The following DLGAP2 variants were observed in gnomAD, a reference collection of about 807,000 sequenced individuals.
The protein encoded by DLGAP2 is disks large-associated protein 2.
DLGAP2 carries 26 observed loss-of-function variants against 100.3 expected under a neutral mutation model. The ratio of observed to expected loss-of-function variants is 0.26; its 90% CI spans 0.19 to 0.36. The LOEUF (loss-of-function observed/expected upper bound fraction) is 0.36. DLGAP2 is among the 10% of genes least tolerant of loss of function. The pLI, the probability that DLGAP2 is intolerant of heterozygous loss-of-function variation, is 1.00. For missense variants in DLGAP2, 1,858 were observed against 1,453.2 expected (o/e 1.28, Z -4.53); for synonymous variants, 886 against 630.1 (o/e 1.41, Z -6.08).
intron 4 of DLGAP2, among the ~76,000 whole-genome samples, chr8:1,506,810 A>G (rs1050584385): frequency 6.6e-6 from 1 of 152,196 alleles, no homozygotes; most frequent in African/African-American, 2.4e-5. Flanking sequence ...ACAATCCTCT[A>G]TCTAGACATA....
chr8:1,092,850 CG>C (rs1395953187), intron 2 of DLGAP2, among the ~76,000 whole-genome samples: 2 of 152,102 alleles, frequency 1.3e-5, no homozygotes, highest in Non-Finnish European at 2.9e-5. Context: ...GAGTGTGGAC[CG>C]GGGCCTCATA....
chr8:1,028,879 C>T (rs1223857524), intron 2 of DLGAP2, among the ~76,000 whole-genome samples: 1 of 152,088 alleles, frequency 6.6e-6, no homozygotes, highest in African/African-American at 2.4e-5. Context: ...AGGACAATGG[C>T]GGGATGTGGA....
intron 2 of DLGAP2, among the ~76,000 whole-genome samples, chr8:975,481 A>G (rs532904094): frequency 2.0e-5 from 3 of 152,342 alleles, no homozygotes; most frequent in Non-Finnish European, 4.4e-5. Flanking sequence ...TCATAAACAT[A>G]GATGTGGAGA....
chr8:1,367,095 C>G (rs1338466583), intron 3 of DLGAP2, among the ~76,000 whole-genome samples: 1 of 152,206 alleles, frequency 6.6e-6, no homozygotes, highest in Non-Finnish European at 1.5e-5. Flanking sequence ...GCAACCTTTC[C>G]AACACACATG....
At chr8:819,991 T>A (rs1466368916) in intron 1 of DLGAP2, among the ~76,000 whole-genome samples, 2 of 152,154 alleles carry the variant, frequency 1.3e-5, no homozygotes, top group Non-Finnish European at 2.9e-5. Context: ...TTCAATAAGA[T>A]GTGTTAGAGA....
chr8:1,507,355 A>T (rs1181267266), intron 4 of DLGAP2, among the ~76,000 whole-genome samples: 2 of 152,264 alleles, frequency 1.3e-5, no homozygotes, highest in African/African-American at 4.8e-5. Flanking sequence ...GTGGGCCAGC[A>T]CTGCTGGGGG....
At chr8:1,012,983 C>T (rs1333958100) in intron 2 of DLGAP2, among the ~76,000 whole-genome samples, 1 of 152,202 alleles carries the variant, frequency 6.6e-6, no homozygotes, top group Non-Finnish European at 1.5e-5. Context: ...TTCAGTTTTG[C>T]AGATGAGGAA....
intron 2 of DLGAP2, among the ~76,000 whole-genome samples, chr8:969,158 A>T (rs1024083963): frequency 6.6e-6 from 1 of 152,138 alleles, no homozygotes; most frequent in South Asian, 2.1e-4. Flanking sequence ...GGCTCACGCA[A>T]TCCCCTCAAA....
rs537855304 is a variant in DLGAP2 at position 1,356,595 on chromosome 8, G to A, written c.106+97712G>A. 1.2e-4 allele frequency among the ~76,000 whole-genome samples: 18 copies of A among 152,266 alleles called. 1 individual carries two copies. The South Asian group carries it at 3.3e-3, about 28-fold the overall frequency. ...TGTGGCCCCCCAGGCAGAACATGAC[G>A]GAGATGCGCAGGAATGGCAAAGTAC... On this transcript the variant is annotated intron_variant, in intron 3 of 14. Coordinates refer to ENST00000637795, the MANE Select transcript of DLGAP2 (RefSeq NM_001346810.2).
At chr8:1,584,555 G>A (rs1796054930) in intron 6 of DLGAP2, among the ~76,000 whole-genome samples, 2 of 152,212 alleles carry the variant, frequency 1.3e-5, no homozygotes, top group South Asian at 4.1e-4. Flanking sequence ...TCCAGCCTGT[G>A]TTGCAACCGT....
intron 3 of DLGAP2, among the ~76,000 whole-genome samples, chr8:1,467,891 A>G (rs1011101783): frequency 7.2e-5 from 11 of 152,204 alleles, no homozygotes; most frequent in African/African-American, 2.7e-4. Flanking sequence ...TCAGGAGGCC[A>G]CCACATCATA....
At chr8:1,504,069 A>G (rs574562084) in intron 4 of DLGAP2, among the ~76,000 whole-genome samples, 10 of 151,984 alleles carry the variant, frequency 6.6e-5, no homozygotes, top group Non-Finnish European at 1.0e-4. Context: ...TGCAAATATT[A>G]GGTCTTGACC....
chr8:893,815 C>T (rs1798085345), intron 1 of DLGAP2, among the ~76,000 whole-genome samples: 1 of 152,244 alleles, frequency 6.6e-6, no homozygotes, highest in African/African-American at 2.4e-5. Context: ...CCTGACAGAA[C>T]GAGACCCCCT....
chr8:1,165,689 T>TA (rs1797001486), intron 2 of DLGAP2, among the ~76,000 whole-genome samples: 1 of 152,244 alleles, frequency 6.6e-6, no homozygotes, highest in Non-Finnish European at 1.5e-5. Flanking sequence ...TTTACGTTTT[T>TA]AGCTCAGTTT....
intron 2 of DLGAP2, among the ~76,000 whole-genome samples, chr8:1,025,256 C>T (rs1223675565): frequency 6.6e-6 from 1 of 152,056 alleles, no homozygotes; most frequent in Non-Finnish European, 1.5e-5. Context: ...ACGGTGCCGC[C>T]CTCTTTCACA....
At chr8:1,267,193 C>G (rs28594789) in intron 3 of DLGAP2, among the ~76,000 whole-genome samples, 1,549 of 151,512 alleles carry the variant, frequency 0.01, 25 homozygotes, top group Non-Finnish European at 0.012. Flanking sequence ...GATTGCACCA[C>G]TGCACTCCAG....
chr8:1,341,007 T>C (rs1801404463), intron 3 of DLGAP2, among the ~76,000 whole-genome samples: 1 of 152,164 alleles, frequency 6.6e-6, no homozygotes, highest in African/African-American at 2.4e-5. Context: ...CTGCATGTTC[T>C]CACCTGTAAG....
At chr8:1,255,963 C>CG (rs1388813780) in intron 2 of DLGAP2, among the ~76,000 whole-genome samples, 2 of 131,404 alleles carry the variant, frequency 1.5e-5, no homozygotes, top group Non-Finnish European at 3.2e-5. Flanking sequence ...TGTGTGTGCC[C>CG]TCTCATCCTG....
chr8:1,009,184 C>A (rs1420959128), intron 2 of DLGAP2, among the ~76,000 whole-genome samples: 6 of 152,164 alleles, frequency 3.9e-5, no homozygotes, highest in Admixed American at 1.3e-4. Flanking sequence ...TCTCCTAAGG[C>A]CCTGGACACC....
Sources: gnomAD v4.1 joint callset for allele counts (sites outside exome capture counted in the v4.1 genomes callset) on GRCh38, gnomAD v4.1.1 for gene constraint, MANE v1.5 for transcripts, NCBI Gene and HGNC (gene_info 2026-07-23, HGNC 2026-07-21) for gene names.